The following GRIK1 variants were observed in gnomAD, a reference collection of about 807,000 sequenced individuals.
The protein encoded by GRIK1 is glutamate receptor ionotropic, kainate 1.
In GRIK1, 69 loss-of-function variants were observed where a neutral mutation model predicts 105.7. The observed-to-expected ratio is 0.65, with a 90% CI of 0.54 to 0.80. The LOEUF is 0.80. Ranked by LOEUF, GRIK1 falls within the 30% of genes least tolerant of loss-of-function variation. GRIK1 has a pLI of 0.00. For synonymous variants in GRIK1, 438 were observed against 431.3 expected, an observed-to-expected ratio of 1.02 and a Z score of -0.19; for missense variants, 1,109 against 1,167.3, an observed-to-expected ratio of 0.95 and a Z score of 0.73.
At chr21:29,718,480 G>C (rs922636090) in intron 1 of GRIK1, among the ~76,000 whole-genome samples, 17 of 152,264 alleles carry the variant, frequency 1.1e-4, no homozygotes, top group African/African-American at 3.4e-4. Flanking sequence ...TGTATCAAAA[G>C]GTATGAACCA....
intron 1 of GRIK1, among the ~76,000 whole-genome samples, chr21:29,704,240 C>A (rs560076809): frequency 4.6e-5 from 7 of 152,220 alleles, no homozygotes; most frequent in Non-Finnish European, 8.8e-5. Flanking sequence ...AGCTTCCAGT[C>A]TTTTGGGATA....
intron 7 of GRIK1, among the ~76,000 whole-genome samples, chr21:29,599,175 C>T (rs2061472033): frequency 6.6e-6 from 1 of 152,152 alleles, no homozygotes; most frequent in African/African-American, 2.4e-5. Flanking sequence ...ATCGTGGCTA[C>T]CTAAATGGAC....
chr21:29,822,792 G>A (rs537221574), intron 1 of GRIK1, among the ~76,000 whole-genome samples: 1 of 151,892 alleles, frequency 6.6e-6, no homozygotes, highest in Non-Finnish European at 1.5e-5. Flanking sequence ...CCTCGATCTA[G>A]ACTTCTTTTA....
chr21:29,578,009 G>A (rs1256066562), intron 13 of GRIK1, among the ~76,000 whole-genome samples: 1 of 152,198 alleles, frequency 6.6e-6, no homozygotes, highest in African/African-American at 2.4e-5. Flanking sequence ...AAGGGTTTAT[G>A]AGCTAAGTTT....
intron 7 of GRIK1, among the ~76,000 whole-genome samples, chr21:29,620,517 A>AT (rs1413292216): frequency 6.6e-6 from 1 of 152,110 alleles, no homozygotes; most frequent in Non-Finnish European, 1.5e-5. Flanking sequence ...TTTGAGGGCA[A>AT]AGCACTTCGT....
intron 14 of GRIK1, among the ~76,000 whole-genome samples, chr21:29,569,015 T>A (rs2090676203): frequency 6.6e-6 from 1 of 152,236 alleles, no homozygotes; most frequent in Non-Finnish European, 1.5e-5. Context: ...ATATGCAATG[T>A]ATGTGCTCAA....
At chr21:29,861,930 T>C (rs1204141259) in intron 1 of GRIK1, among the ~76,000 whole-genome samples, 1 of 152,182 alleles carries the variant, frequency 6.6e-6, no homozygotes, top group Admixed American at 6.5e-5. Context: ...CCTTGTTATG[T>C]TTTCAATTTT....
intron 1 of GRIK1, among the ~76,000 whole-genome samples, chr21:29,748,498 T>C (rs538395159): frequency 2.6e-5 from 4 of 152,342 alleles, no homozygotes; most frequent in Admixed American, 1.3e-4. Context: ...ATGGCTCCTT[T>C]TATTTCCACA....
At chr21:29,669,928 A>G (rs1235699520) in intron 4 of GRIK1, among the ~76,000 whole-genome samples, 2 of 152,124 alleles carry the variant, frequency 1.3e-5, no homozygotes, top group Non-Finnish European at 2.9e-5. Context: ...GGAGCAAGTT[A>G]AGCTGGATCA....
intron 3 of GRIK1, among the ~76,000 whole-genome samples, chr21:29,688,613 T>A (rs766871899): frequency 6.6e-6 from 1 of 152,178 alleles, no homozygotes; most frequent in African/African-American, 2.4e-5. Context: ...AGGTAGCAGA[T>A]TATAAACATA....
chr21:29,599,858 C>A (rs112132374), intron 7 of GRIK1, among the ~76,000 whole-genome samples: 1 of 152,108 alleles, frequency 6.6e-6, no homozygotes, highest in Non-Finnish European at 1.5e-5. Context: ...CCCAGCACTT[C>A]GGGATGCCGA....
At chr21:29,681,824 C>T (rs1179541296) in intron 3 of GRIK1, among the ~76,000 whole-genome samples, 1 of 152,044 alleles carries the variant, frequency 6.6e-6, no homozygotes, top group Admixed American at 6.5e-5. Context: ...ATTGGCATAT[C>T]CAATAAATAT....
chr21:29,856,740 GA>G (rs1257666396), intron 1 of GRIK1, among the ~76,000 whole-genome samples: 31 of 152,292 alleles, frequency 2.0e-4, no homozygotes, highest in Admixed American at 8.5e-4. Flanking sequence ...ATGCTATGAT[GA>G]AAATGATGTA....
At chr21:29,649,532 A>G (rs929386982) in intron 6 of GRIK1, among the ~76,000 whole-genome samples, 1 of 152,156 alleles carries the variant, frequency 6.6e-6, no homozygotes, top group African/African-American at 2.4e-5. Flanking sequence ...CCAGGGGATT[A>G]CCGTTAGCTC....
chr21:29,739,775 G>T (rs1281669269), intron 1 of GRIK1, among the ~76,000 whole-genome samples: 2 of 152,146 alleles, frequency 1.3e-5, no homozygotes, highest in African/African-American at 2.4e-5. Flanking sequence ...ATTAAAATAT[G>T]CAGTAGAATA....
intron 1 of GRIK1, among the ~76,000 whole-genome samples, chr21:29,878,060 G>A (rs1359362225): frequency 1.3e-5 from 2 of 152,182 alleles, no homozygotes; most frequent in African/African-American, 4.8e-5. Flanking sequence ...CTTAGGAATA[G>A]ATAGCAGTTC....
chr21:29,694,233 C>G (rs960361030), intron 1 of GRIK1, among the ~76,000 whole-genome samples, 170 bp from the exon 2 acceptor site: 1 of 148,156 alleles, frequency 6.7e-6, no homozygotes, highest in Non-Finnish European at 1.5e-5. Flanking sequence ...AAGCGATTCT[C>G]CTGCCTCAGC....
chr21:29,630,287 C>T (rs1214440151), intron 7 of GRIK1, among the ~76,000 whole-genome samples: 3 of 152,116 alleles, frequency 2.0e-5, no homozygotes, highest in Non-Finnish European at 4.4e-5. Flanking sequence ...TGAGATGAAC[C>T]TCTGTGACCT....
At chr21:29,553,375 AACAT>A in intron 16 of GRIK1, 1 of 1,244,720 alleles carries the variant, frequency 8.0e-7, no homozygotes, top group Admixed American at 4.0e-5. Context: ...CCCCTGCTTC[AACAT>A]ACAGTGCAAG....
Sources: allele counts gnomAD v4.1 joint callset (sites outside exome capture counted in the v4.1 genomes callset), GRCh38; gene constraint gnomAD v4.1.1; transcripts MANE v1.5; gene names NCBI Gene and HGNC (gene_info 2026-07-23, HGNC 2026-07-21).